Variants in SLC17A1 observed in about 807,000 individuals in gnomAD.
The protein encoded by SLC17A1 is sodium-dependent phosphate transport protein 1.
SLC17A1 carries 51 observed loss-of-function variants against 53.5 expected under a neutral mutation model. That is an observed-to-expected ratio of 0.95 (90% CI 0.76 to 1.20). The LOEUF (loss-of-function observed/expected upper bound fraction) is 1.20. Among genes scored for constraint, SLC17A1 ranks in the 50% most tolerant of loss-of-function variants. The pLI is 0.00. For synonymous variants in SLC17A1, 179 were observed against 198.8 expected, an observed-to-expected ratio of 0.90 and a Z score of 0.84; for missense variants, 538 against 568.2, an observed-to-expected ratio of 0.95 and a Z score of 0.54.
downstream of SLC17A1, chr6:25,779,879 C>T (rs1202037742): frequency 1.3e-5 from 2 of 152,136 alleles, no homozygotes; most frequent in East Asian, 1.9e-4. Context: ...TGTTAGTGAA[C>T]AGACATTGCC....
the SLC17A1 span, chr6:25,726,314 G>A: frequency 1.2e-6 from 2 of 1,614,088 alleles, no homozygotes. Flanking sequence ...TTGTTATCGC[G>A]AGACGCATTG....
chr6:25,748,186 G>A, the SLC17A1 span, among the ~76,000 whole-genome samples: 1 of 152,200 alleles, frequency 6.6e-6, no homozygotes, highest in South Asian at 2.1e-4. Flanking sequence ...TCTCAGATTG[G>A]TGTTACTGAA....
At chr6:25,774,156 T>C in the SLC17A1 span, among the ~76,000 whole-genome samples, 1 of 152,258 alleles carries the variant, frequency 6.6e-6, no homozygotes, top group Admixed American at 6.5e-5. Context: ...ACATAGACAT[T>C]TGCGGAGTAA....
the SLC17A1 span, among the ~76,000 whole-genome samples, chr6:25,755,159 T>C: frequency 6.6e-6 from 1 of 152,094 alleles, no homozygotes; most frequent in Non-Finnish European, 1.5e-5. Flanking sequence ...ACATTAATTT[T>C]TTTAAGCATT....
At chr6:25,726,460 C>A in the SLC17A1 span, 1 of 1,613,984 alleles carries the variant, frequency 6.2e-7, no homozygotes, top group Non-Finnish European at 8.5e-7. Context: ...AAACTGCAAA[C>A]CCGCTCTAGA....
At chr6:25,767,099 T>C in the SLC17A1 span, among the ~76,000 whole-genome samples, 9 of 152,104 alleles carry the variant, frequency 5.9e-5, no homozygotes, top group Non-Finnish European at 1.3e-4. Context: ...TGTCCTAAAA[T>C]TAAAAATTTA....
chr6:25,777,911 ATC>A, the SLC17A1 span: 53 of 1,582,758 alleles, frequency 3.3e-5, no homozygotes, highest in South Asian at 4.4e-5. Flanking sequence ...ATAGAGTACC[ATC>A]TCTCTCTCTC....
At chr6:25,739,604 C>A in the SLC17A1 span, among the ~76,000 whole-genome samples, 3 of 151,914 alleles carry the variant, frequency 2.0e-5, no homozygotes, top group Non-Finnish European at 4.4e-5. Context: ...TATTACTCAG[C>A]AACAAAAAAG....
intron 6 of SLC17A1, among the ~76,000 whole-genome samples, chr6:25,814,287 A>C (rs1436007209): frequency 6.6e-6 from 1 of 152,258 alleles, no homozygotes; most frequent in East Asian, 1.9e-4. Context: ...TACAGCAGTG[A>C]ATAAAACAGA....
chr6:25,797,166 C>T (rs755832202), intron 12 of SLC17A1, among the ~76,000 whole-genome samples: 4 of 152,208 alleles, frequency 2.6e-5, no homozygotes, highest in Non-Finnish European at 5.9e-5. Context: ...ACAAAACCCT[C>T]CTTGGTTTTA....
intron 10 of SLC17A1, among the ~76,000 whole-genome samples, chr6:25,807,018 A>G (rs1286019918): frequency 6.6e-6 from 1 of 152,176 alleles, no homozygotes; most frequent in Non-Finnish European, 1.5e-5. Context: ...TTAAAAAGTT[A>G]AAAAACAATA....
chr6:25,732,748 T>A, the SLC17A1 span: 1 of 1,132,396 alleles, frequency 8.8e-7, no homozygotes, highest in Non-Finnish European at 1.3e-6. Flanking sequence ...TGGCTTAGGG[T>A]GACGTTTTGC....
chr6:25,763,678 C>A, the SLC17A1 span, among the ~76,000 whole-genome samples: 2 of 152,164 alleles, frequency 1.3e-5, no homozygotes, highest in African/African-American at 4.8e-5. Context: ...TATCTGGTCA[C>A]CTGCTTATGC....
chr6:25,748,931 T>C, the SLC17A1 span, among the ~76,000 whole-genome samples: 1 of 152,220 alleles, frequency 6.6e-6, no homozygotes, highest in Non-Finnish European at 1.5e-5. Context: ...ATCTCAGAAT[T>C]GAACAAATGT....
chr6:25,755,113 A>AG, the SLC17A1 span, among the ~76,000 whole-genome samples: 1 of 151,752 alleles, frequency 6.6e-6, no homozygotes, highest in African/African-American at 2.4e-5. Context: ...GAAGAGACAG[A>AG]AACTAAATGA....
rs1047224698 is a variant in SLC17A1 at position 25,819,227 on chromosome 6, T to C, written c.530-73A>G. ...AAGCAGAGATAATGTAGCCTCACTG[T>C]AGCAATGAACAATTTCCTGTGAAAC... On this transcript the variant is annotated intron_variant, in intron 5 of 12. Coordinates refer to ENST00000244527, the MANE Select transcript of SLC17A1 (RefSeq NM_005074.5). The C allele has an allele frequency of 8.7e-6, 9 of 1,033,714 alleles. No individual in the cohort carries two copies. The African/African-American group carries it at 1.3e-4, about 15-fold the overall frequency. The allele number at this position is 1,033,714 out of a possible 1,614,324, so 64.0% of individuals were successfully genotyped here.
At chr6:25,750,633 C>CAGAGAGAG in the SLC17A1 span, among the ~76,000 whole-genome samples, 94 of 145,772 alleles carry the variant, frequency 6.4e-4, 1 homozygote, top group East Asian at 7.4e-3. Context: ...TAACCCATGT[C>CAGAGAGAG]AGAGAGAGAG....
the SLC17A1 span, among the ~76,000 whole-genome samples, chr6:25,747,632 T>G: frequency 6.6e-6 from 1 of 152,208 alleles, no homozygotes; most frequent in Non-Finnish European, 1.5e-5. Flanking sequence ...AGGAAATGAT[T>G]AGATCATGAG....
the SLC17A1 span, among the ~76,000 whole-genome samples, chr6:25,759,297 A>G: frequency 6.6e-6 from 1 of 152,182 alleles, no homozygotes; most frequent in Non-Finnish European, 1.5e-5. Flanking sequence ...AGTGTTCTGT[A>G]AATATCTGTT....
Sources: allele counts gnomAD v4.1 joint callset (sites outside exome capture counted in the v4.1 genomes callset), GRCh38; gene constraint gnomAD v4.1.1; transcripts MANE v1.5; gene names NCBI Gene and HGNC (gene_info 2026-07-23, HGNC 2026-07-21).